TACC2: variants seen among roughly 807,000 people sequenced by gnomAD.
TACC2 encodes transforming acidic coiled-coil containing protein 2, also known as transforming acidic coiled-coil-containing protein 2.
Under a neutral mutation model 227.3 loss-of-function variants are expected in TACC2, and 137 were observed. That is an observed-to-expected ratio of 0.60 (90% CI 0.52 to 0.69). The LOEUF (loss-of-function observed/expected upper bound fraction) is 0.69, where lower values mean the gene tolerates loss of function less well. Among genes scored for constraint, TACC2 ranks in the 30% least tolerant of loss-of-function variants. The pLI, the probability that TACC2 is intolerant of heterozygous loss-of-function variation, is 0.00. For missense variants in TACC2, 3,470 were observed against 3,694.4 expected, an observed-to-expected ratio of 0.94 and a Z score of 1.57; for synonymous variants, 1,523 against 1,487.5, an observed-to-expected ratio of 1.02 and a Z score of -0.55.
chr10:122,009,320 C>T (rs1414344769), intron 1 of TACC2, among the ~76,000 whole-genome samples: 1 of 151,972 alleles, frequency 6.6e-6, no homozygotes, highest in Non-Finnish European at 1.5e-5. Context: ...TTTCAGTTAC[C>T]ACAAAAGCTA....
At chr10:122,033,181 G>A (rs1192540891) in intron 2 of TACC2, 1 of 1,281,932 alleles carries the variant, frequency 7.8e-7, no homozygotes, top group East Asian at 5.6e-5. Flanking sequence ...GTTCTGCATG[G>A]CTTCCCTCTC....
At chr10:122,154,024 T>C (rs2092296046) in intron 7 of TACC2, among the ~76,000 whole-genome samples, 1 of 152,224 alleles carries the variant, frequency 6.6e-6, no homozygotes, top group African/African-American at 2.4e-5. Context: ...GGGCTCTGCA[T>C]GTGGTACCTG....
Position 122,116,308 on chromosome 10 carries a change from A to G in TACC2, c.5574-16301A>G, listed in dbSNP as rs7069528. ...GTCCCCATCCCTCTGTCCGCTATCC[A>G]CAGTGTTATAGAGTTTCAGTCTGTC... On this transcript the variant is annotated intron_variant, in intron 5 of 22. Transcript: ENST00000369005. Among the ~76,000 whole-genome samples, 1,361 of 152,294 alleles carry G rather than the reference A, an allele frequency of 8.9e-3. 21 individuals are homozygous for G. Among genetic ancestry groups the G allele is most frequent in the African/African-American group, 0.031 (1,296 of 41,566 alleles).
At chr10:122,189,172 T>C (rs1266809315) in intron 7 of TACC2, among the ~76,000 whole-genome samples, 2 of 152,144 alleles carry the variant, frequency 1.3e-5, no homozygotes, top group Non-Finnish European at 2.9e-5. Flanking sequence ...TGTGTGTGTG[T>C]GCAGAGATTG....
At chr10:122,024,080 C>T (rs1201259896) in intron 2 of TACC2, among the ~76,000 whole-genome samples, 1 of 152,118 alleles carries the variant, frequency 6.6e-6, no homozygotes, top group Non-Finnish European at 1.5e-5. Flanking sequence ...AGAAACAATG[C>T]AGAGAGCCCA....
At position 122,121,923 on chromosome 10, in the gene TACC2, G is replaced by A. The variant is rs920727644; in HGVS notation, c.5574-10686G>A. 9.2e-5 allele frequency among the ~76,000 whole-genome samples: 14 copies of A among 152,218 alleles called. No individual in the cohort carries two copies. The South Asian group carries it at 2.1e-3, about 23-fold the overall frequency. On this transcript the variant is annotated intron_variant, in intron 5 of 22. Coordinates refer to ENST00000369005, the MANE Select transcript of TACC2 (RefSeq NM_206862.4). ...GAACTCTGGACAGGAGCTATGGCAT[G>A]CCCACTAGAGGAAAGACCTGGCGGG... is the stretch of plus-strand genomic sequence containing the variant.
intron 5 of TACC2, chr10:122,126,989 G>C (rs944755721): frequency 4.6e-5 from 7 of 152,602 alleles, no homozygotes; most frequent in African/African-American, 1.7e-4. Flanking sequence ...AATGGGATTA[G>C]TGCCCTTATA....
intron 2 of TACC2, among the ~76,000 whole-genome samples, chr10:122,027,846 C>T (rs1958247744): frequency 6.6e-6 from 1 of 151,644 alleles, no homozygotes; most frequent in South Asian, 2.1e-4. Context: ...CAGGTTCACG[C>T]CATTCTCCTG....
In TACC2 at chr10:122,016,585, AG is replaced by A. The variant is rs1031434955; in HGVS notation, c.-45-5351del. On this transcript the variant is annotated intron_variant, in intron 1 of 22. Coordinates refer to ENST00000369005, the MANE Select transcript of TACC2 (RefSeq NM_206862.4). ...CTGTCTTAAAAAAAAAAAAAAAAAA[AG>A]TCAGTCCCTGCACACCTGAGGCCTT... Among the ~76,000 whole-genome samples, 5 of 147,354 alleles carry A rather than the reference AG, an allele frequency of 3.4e-5. No homozygotes were observed. In the East Asian group the frequency reaches 9.9e-4, roughly 29 times the overall value.
intron 7 of TACC2, among the ~76,000 whole-genome samples, chr10:122,189,289 A>T (rs906044408): frequency 6.6e-5 from 10 of 152,138 alleles, no homozygotes; most frequent in African/African-American, 2.4e-4. Flanking sequence ...CCATTTACTC[A>T]CAGAGTCCTC....
At chr10:122,217,049 C>A in intron 11 of TACC2, 1 of 874,354 alleles carries the variant, frequency 1.1e-6, no homozygotes. Context: ...CTGCTAAGAG[C>A]CAGCACGGTG....
At chr10:122,192,643 G>A (rs1380104317) in intron 7 of TACC2, 2 of 454,576 alleles carry the variant, frequency 4.4e-6, no homozygotes, top group Admixed American at 2.4e-5. Flanking sequence ...AATTAGGGGT[G>A]GGAATTTGGG....
At chr10:122,234,576 A>G (rs1452429801) in intron 16 of TACC2, among the ~76,000 whole-genome samples, 1 of 152,266 alleles carries the variant, frequency 6.6e-6, no homozygotes, top group African/African-American at 2.4e-5. Flanking sequence ...GCATTTCATC[A>G]ACATGCAGAT....
At chr10:122,126,588 C>G (rs1258989403) in intron 5 of TACC2, 1 of 152,192 alleles carries the variant, frequency 6.6e-6, no homozygotes, top group Non-Finnish European at 1.5e-5. Flanking sequence ...TTGTGAGAAC[C>G]TGGCTCCTAT....
intron 6 of TACC2, among the ~76,000 whole-genome samples, chr10:122,135,853 C>T (rs2089512894): frequency 6.6e-6 from 1 of 152,196 alleles, no homozygotes; most frequent in Non-Finnish European, 1.5e-5. Flanking sequence ...AACAAGTGTC[C>T]TTACGTGGCA....
chr10:122,024,470 A>T (rs972546187), intron 2 of TACC2, among the ~76,000 whole-genome samples: 3 of 152,192 alleles, frequency 2.0e-5, no homozygotes, highest in Non-Finnish European at 4.4e-5. Flanking sequence ...CTGGATACTG[A>T]CACGGATACA....
chr10:122,203,441 C>T (rs998266213), intron 8 of TACC2, among the ~76,000 whole-genome samples: 5 of 149,674 alleles, frequency 3.3e-5, no homozygotes, highest in East Asian at 2.0e-4. Flanking sequence ...CCCTCCCGGA[C>T]GAGGTGGCTG....
intron 8 of TACC2, among the ~76,000 whole-genome samples, chr10:122,204,024 G>A (rs1456682870): frequency 8.6e-5 from 13 of 151,134 alleles, no homozygotes; most frequent in African/African-American, 2.9e-4. Context: ...CAGGTGTGGC[G>A]GCGCGCGCCT....
rs1353078394 is a variant in TACC2 at position 122,205,963 on chromosome 10, A to G, written c.5972-4434A>G. 6.6e-6 allele frequency among the ~76,000 whole-genome samples: 1 copy of G among 152,232 alleles called. No individual in the cohort carries two copies. Among genetic ancestry groups the G allele is most frequent in the Non-Finnish European group, 1.5e-5 (1 of 68,042 alleles). ...TTGTGTACTTAGAAGATACAAAGCCATGCTCTCTGTGTAGGAGACCATCTA... is the reference window on the plus strand; with the variant it reads ...TTGTGTACTTAGAAGATACAAAGCCGTGCTCTCTGTGTAGGAGACCATCTA... On this transcript the variant is annotated intron_variant, in intron 8 of 22. Coordinates refer to ENST00000369005, the MANE Select transcript of TACC2 (RefSeq NM_206862.4). The surrounding 1 kb of genome is among the most constrained non-coding windows in gnomAD (Gnocchi z 4.5).
Sources: allele counts gnomAD v4.1 joint callset (sites outside exome capture counted in the v4.1 genomes callset), GRCh38; gene constraint gnomAD v4.1.1; non-coding constraint Gnocchi (gnomAD v3.1); transcripts MANE v1.5; gene names NCBI Gene and HGNC (gene_info 2026-07-23, HGNC 2026-07-21).